MRPL30: variants seen among roughly 807,000 people sequenced by gnomAD.
MRPL30 encodes large ribosomal subunit protein uL30m.
A neutral mutation model predicts 17.2 loss-of-function variants in MRPL30; 10 were observed. The ratio of observed to expected loss-of-function variants is 0.58; its 90% CI spans 0.36 to 0.99. The LOEUF (loss-of-function observed/expected upper bound fraction) is 0.99. MRPL30 is among the 50% of genes least tolerant of loss of function. The probability of loss-of-function intolerance (pLI) is 0.01; values close to 1 mark genes in which losing one functional copy is unlikely to be tolerated. For missense variants in MRPL30, 170 were observed against 189.8 expected (o/e 0.90, Z 0.61); for synonymous variants, 61 against 62.1 (o/e 0.98, Z 0.08).
intron 3 of MRPL30, among the ~76,000 whole-genome samples, chr2:99,194,037 CAAA>C (rs33944983): frequency 1.5e-5 from 2 of 130,304 alleles, no homozygotes. Flanking sequence ...GACTCCATCT[CAAA>C]AAAAAAAAAA....
intron 4 of MRPL30, 45 bp from the exon 5 acceptor site, chr2:99,195,071 C>T: frequency 1.3e-6 from 2 of 1,498,800 alleles, no homozygotes; most frequent in Non-Finnish European, 1.8e-6. Flanking sequence ...ATGGAACTAT[C>T]TGCTTTTCAG....
intron 3 of MRPL30, among the ~76,000 whole-genome samples, chr2:99,191,446 A>G (rs1254079053): frequency 6.6e-6 from 1 of 152,176 alleles, no homozygotes. Flanking sequence ...ACAACCAAAT[A>G]AAAAAGAGGG....
At chr2:99,194,466 G>A (rs1254619527) in intron 3 of MRPL30, among the ~76,000 whole-genome samples, 1 of 152,122 alleles carries the variant, frequency 6.6e-6, no homozygotes, top group Non-Finnish European at 1.5e-5. Flanking sequence ...GGAGGGAAGA[G>A]GATGCAGCCC....
At chr2:99,193,388 T>A (rs1293038677) in intron 3 of MRPL30, among the ~76,000 whole-genome samples, 1 of 152,192 alleles carries the variant, frequency 6.6e-6, no homozygotes, top group Non-Finnish European at 1.5e-5. Context: ...TCTACAAAAC[T>A]GTTTTTAATC....
intron 1 of MRPL30, among the ~76,000 whole-genome samples, chr2:99,183,016 G>C (rs1009176624): frequency 6.6e-6 from 1 of 152,220 alleles, no homozygotes. Context: ...AATGTTAAAT[G>C]ATGTGATCTG....
In MRPL30 at chr2:99,196,791, A is replaced by G. The variant is rs185111571; in HGVS notation, c.*1086A>G. 1.3e-5 allele frequency: 2 copies of G among 152,330 alleles called. No homozygotes were observed. The highest frequency in any genetic ancestry group is 3.4e-3 in the Middle Eastern group (1 of 296). 9.4% of individuals were successfully genotyped at this position (152,330 alleles called of 1,614,324 possible). On this transcript the variant is annotated 3_prime_UTR_variant, in exon 6 of 6. Transcript: ENST00000338148. ...AGAAACACTGGATGCCAGCTAGATTATCTGTTCTGTGCTTTGGTGTCTATA... is the reference window on the plus strand; with the variant it reads ...AGAAACACTGGATGCCAGCTAGATTGTCTGTTCTGTGCTTTGGTGTCTATA...
intron 1 of MRPL30, among the ~76,000 whole-genome samples, chr2:99,184,929 A>G (rs1348720094): frequency 6.6e-6 from 1 of 152,188 alleles, no homozygotes; most frequent in Admixed American, 6.5e-5. Context: ...CACTTAGCCT[A>G]TTTTAGTGTG....
chr2:99,193,241 C>T (rs1209360286), intron 3 of MRPL30, among the ~76,000 whole-genome samples: 1 of 152,164 alleles, frequency 6.6e-6, no homozygotes, highest in African/African-American at 2.4e-5. Flanking sequence ...CATCACTGAT[C>T]ATTAGAGAAA....
At chr2:99,187,833 A>G (rs1433277666) in intron 2 of MRPL30, among the ~76,000 whole-genome samples, 5 of 152,120 alleles carry the variant, frequency 3.3e-5, no homozygotes, top group African/African-American at 1.2e-4. Flanking sequence ...GTCTCAAAAA[A>G]AAAAAAAGAA....
intron 1 of MRPL30, chr2:99,185,729 C>G (rs1486504472): frequency 2.3e-6 from 1 of 430,696 alleles, no homozygotes; most frequent in Non-Finnish European, 4.7e-6. Flanking sequence ...TTATTGATAG[C>G]TGGATGCACT....
At chr2:99,192,505 ATTAG>A (rs2093948435) in intron 3 of MRPL30, among the ~76,000 whole-genome samples, 1 of 152,020 alleles carries the variant, frequency 6.6e-6, no homozygotes, top group South Asian at 2.1e-4. Flanking sequence ...CTGTTCCTGT[ATTAG>A]TTTGCTGAGG....
intron 2 of MRPL30, chr2:99,186,927 T>A (rs1289063624): frequency 6.6e-6 from 1 of 152,232 alleles, no homozygotes; most frequent in Admixed American, 6.5e-5. Context: ...AGGCTTGCTT[T>A]TAGAAAGTGC....
At chr2:99,191,747 G>T (rs187762238) in intron 3 of MRPL30, among the ~76,000 whole-genome samples, 27 of 152,186 alleles carry the variant, frequency 1.8e-4, no homozygotes, top group African/African-American at 6.0e-4. Flanking sequence ...ATAGAAACAT[G>T]GTCCTATTGG....
At chr2:99,195,281 CTT>C (rs1189432153) in intron 5 of MRPL30, 92 bp downstream of exon 5, 5 of 1,296,706 alleles carry the variant, frequency 3.9e-6, no homozygotes, top group African/African-American at 1.5e-5. Flanking sequence ...CTGAAAAAAA[CTT>C]TTTAAAAAAC....
intron 5 of MRPL30, 62 bp downstream of exon 5, chr2:99,195,251 TTTC>T (rs763212291): frequency 6.0e-5 from 88 of 1,465,986 alleles, no homozygotes; most frequent in Non-Finnish European, 7.9e-5. Context: ...TAAATGCATT[TTTC>T]TTTTTTCGTT....
chr2:99,182,285 G>A (rs1382856822), intron 1 of MRPL30, among the ~76,000 whole-genome samples: 1 of 152,234 alleles, frequency 6.6e-6, no homozygotes, highest in Non-Finnish European at 1.5e-5. Context: ...GCCGGGCGTG[G>A]TGGCTCACGC....
chr2:99,188,109 A>C lies in MRPL30; in HGVS notation c.52-68A>C, dbSNP rs144442324. 100 of 1,175,554 alleles carry C rather than the reference A, an allele frequency of 8.5e-5. No homozygotes were observed. The African/African-American group carries it at 1.4e-3, about 16-fold the overall frequency. 72.8% of individuals were successfully genotyped at this position (1,175,554 alleles called of 1,614,324 possible). Reference sequence around the variant, plus strand: ...GTTGGAACAGACTTCTGTTACCTAAAGATTGGTGGGTATGGATTTCTCTAC... The same window carrying C: ...GTTGGAACAGACTTCTGTTACCTAACGATTGGTGGGTATGGATTTCTCTAC... On this transcript the variant is annotated intron_variant, in intron 2 of 5. Transcript: ENST00000338148.
chr2:99,188,710 AT>A (rs1402539682), intron 3 of MRPL30, among the ~76,000 whole-genome samples: 1 of 151,706 alleles, frequency 6.6e-6, no homozygotes, highest in Non-Finnish European at 1.5e-5. Context: ...TTTGTTTAAA[AT>A]TTTTTTTTAA....
At chr2:99,193,902 G>A (rs975831276) in intron 3 of MRPL30, among the ~76,000 whole-genome samples, 1 of 152,066 alleles carries the variant, frequency 6.6e-6, no homozygotes, top group Non-Finnish European at 1.5e-5. Flanking sequence ...GCTGGGCACG[G>A]TGGTGTGCGC....
Sources: allele counts gnomAD v4.1 joint callset (sites outside exome capture counted in the v4.1 genomes callset), GRCh38; gene constraint gnomAD v4.1.1; transcripts MANE v1.5; gene names NCBI Gene and HGNC (gene_info 2026-07-23, HGNC 2026-07-21).